The following KDM4C variants were observed in gnomAD, a reference collection of about 807,000 sequenced individuals.
KDM4C encodes lysine-specific demethylase 4C.
In KDM4C, 81 loss-of-function variants were observed where a neutral mutation model predicts 129.3. The ratio of observed to expected loss-of-function variants is 0.63; its 90% CI spans 0.52 to 0.75. KDM4C has a LOEUF of 0.75. Among genes scored for constraint, KDM4C ranks in the 30% least tolerant of loss-of-function variants. The pLI is 0.00. For synonymous variants in KDM4C, 573 were observed against 456.1 expected (o/e 1.26, Z -3.26); for missense variants, 1,457 against 1,304.0 (o/e 1.12, Z -1.81).
At chr9:7,008,073 A>G (rs1450176406) in intron 12 of KDM4C, among the ~76,000 whole-genome samples, 1 of 152,122 alleles carries the variant, frequency 6.6e-6, no homozygotes, top group Non-Finnish European at 1.5e-5. Flanking sequence ...CATTGAAGAG[A>G]TAGGAAGGAC....
intron 5 of KDM4C, among the ~76,000 whole-genome samples, chr9:6,871,141 T>G (rs1842768979): frequency 6.6e-6 from 1 of 152,206 alleles, no homozygotes; most frequent in Non-Finnish European, 1.5e-5. Flanking sequence ...AGTTAGTCTT[T>G]GAGAAGTACT....
intron 4 of KDM4C, among the ~76,000 whole-genome samples, chr9:6,847,852 T>G (rs1036644843): frequency 6.6e-6 from 1 of 152,336 alleles, no homozygotes; most frequent in South Asian, 2.1e-4. Context: ...CATTAGCTGC[T>G]TCATCAATAG....
intron 17 of KDM4C, among the ~76,000 whole-genome samples, chr9:7,087,186 A>G (rs1587552240): frequency 6.6e-6 from 1 of 151,752 alleles, no homozygotes; most frequent in African/African-American, 2.4e-5. Context: ...GTTTAGGCAT[A>G]TAACTCAGAA....
intron 1 of KDM4C, among the ~76,000 whole-genome samples, chr9:6,738,470 G>C (rs768524280): frequency 6.6e-6 from 1 of 152,134 alleles, no homozygotes; most frequent in African/African-American, 2.4e-5. Flanking sequence ...TCCTCACTCT[G>C]TCCCCCAAGC....
intron 8 of KDM4C, among the ~76,000 whole-genome samples, chr9:6,943,322 A>G (rs1316113999): frequency 6.6e-6 from 1 of 152,230 alleles, no homozygotes; most frequent in Non-Finnish European, 1.5e-5. Flanking sequence ...TATTTTCTGT[A>G]AAGATTTGTA....
At chr9:7,004,889 C>T (rs1821374621) in intron 12 of KDM4C, among the ~76,000 whole-genome samples, 1 of 152,142 alleles carries the variant, frequency 6.6e-6, no homozygotes, top group South Asian at 2.1e-4. Flanking sequence ...GGGGTTCTGT[C>T]CTGCAGACCC....
At chr9:7,058,111 T>C (rs2132654172) in intron 17 of KDM4C, among the ~76,000 whole-genome samples, 1 of 152,274 alleles carries the variant, frequency 6.6e-6, no homozygotes, top group East Asian at 1.9e-4. Flanking sequence ...TTCGACAATC[T>C]CTCAGAAGGC....
intron 11 of KDM4C, 90 bp from the exon 12 acceptor site, chr9:6,990,326 G>A: frequency 1.2e-6 from 1 of 835,352 alleles, no homozygotes; most frequent in Non-Finnish European, 2.0e-6. Flanking sequence ...TCAACATTAA[G>A]TGATAAATAA....
chr9:6,944,652 GTTTTTTT>G (rs1158199897), intron 8 of KDM4C, among the ~76,000 whole-genome samples: 6 of 80,988 alleles, frequency 7.4e-5, no homozygotes, highest in East Asian at 9.0e-4. Flanking sequence ...CAAGGTAGAG[GTTTTTTT>G]TTTTTTTTTT....
chr9:6,984,526 C>T (rs1458528661), intron 10 of KDM4C, 122 bp downstream of exon 10: 2 of 680,394 alleles, frequency 2.9e-6, no homozygotes, highest in East Asian at 2.6e-5. Context: ...CAGTAATCTA[C>T]CAAAGTCATG....
At chr9:6,957,851 G>C (rs1460696424) in intron 8 of KDM4C, among the ~76,000 whole-genome samples, 3 of 152,136 alleles carry the variant, frequency 2.0e-5, no homozygotes, top group Non-Finnish European at 4.4e-5. Context: ...TAACCCTCCT[G>C]AACCTCATGT....
chr9:6,809,277 A>T (rs112397628), intron 3 of KDM4C, among the ~76,000 whole-genome samples: 5,029 of 152,272 alleles, frequency 0.033, 257 homozygotes, highest in African/African-American at 0.11. Flanking sequence ...GATTGGAAGC[A>T]TTTTCTTTCA....
chr9:6,853,515 A>T (rs1217303961), intron 5 of KDM4C, among the ~76,000 whole-genome samples: 1 of 152,124 alleles, frequency 6.6e-6, no homozygotes, highest in Non-Finnish European at 1.5e-5. Context: ...AATAAATAAA[A>T]ATAAAAGCCT....
Position 6,945,398 on chromosome 9 carries a change from A to G in KDM4C, c.922-35527A>G, listed in dbSNP as rs11791769. On this transcript the variant is annotated intron_variant, in intron 8 of 21. Transcript: ENST00000381309. ...TTTTGGGTAGCATAAATTCAGAGCA[A>G]TTTGTGGATTATAAAGCATTTAGTA... 3.2e-3 allele frequency among the ~76,000 whole-genome samples: 486 copies of G among 152,294 alleles called. 2 individuals carry two copies. The highest frequency in any genetic ancestry group is 0.01 in the African/African-American group (432 of 41,550).
chr9:7,136,941 C>G (rs147573285), intron 19 of KDM4C, among the ~76,000 whole-genome samples: 19 of 152,326 alleles, frequency 1.2e-4, no homozygotes, highest in African/African-American at 4.3e-4. Context: ...TAGCAAGCAG[C>G]TCCAGGGAAA....
chr9:7,166,441 T>G (rs1399614423), intron 20 of KDM4C, among the ~76,000 whole-genome samples: 9 of 52,584 alleles, frequency 1.7e-4, no homozygotes. Flanking sequence ...ACACATACAT[T>G]GTGTGTGTAT....
chr9:7,122,265 A>ACACACACACACACACTCTCTCT (rs375655422), intron 18 of KDM4C, among the ~76,000 whole-genome samples: 1 of 144,714 alleles, frequency 6.9e-6, no homozygotes, highest in African/African-American at 2.6e-5. Flanking sequence ...ACACACACAC[A>ACACACACACACACACTCTCTCT]CTCTCTCTCT....
chr9:6,946,116 C>T (rs1826915583), intron 8 of KDM4C, among the ~76,000 whole-genome samples: 2 of 151,994 alleles, frequency 1.3e-5, no homozygotes, highest in Admixed American at 1.3e-4. Context: ...CTTGTGTAAT[C>T]AAGGGGGTTA....
chr9:6,937,124 T>C (rs1463310985), intron 8 of KDM4C, among the ~76,000 whole-genome samples: 3 of 152,148 alleles, frequency 2.0e-5, no homozygotes, highest in Admixed American at 2.0e-4. Context: ...AAACAATTTA[T>C]AGATGATAAT....
Sources: gnomAD v4.1 joint callset for allele counts (sites outside exome capture counted in the v4.1 genomes callset) on GRCh38, gnomAD v4.1.1 for gene constraint, MANE v1.5 for transcripts, NCBI Gene and HGNC (gene_info 2026-07-23, HGNC 2026-07-21) for gene names.